DPP3: variants seen among roughly 807,000 people sequenced by gnomAD.
DPP3 encodes the protein dipeptidyl peptidase 3, also known as DPP III.
Under a neutral mutation model 89.8 loss-of-function variants are expected in DPP3, and 64 were observed. The ratio of observed to expected loss-of-function variants is 0.71; its 90% CI spans 0.58 to 0.88. The LOEUF (loss-of-function observed/expected upper bound fraction) is 0.88. Among genes scored for constraint, DPP3 ranks in the 40% least tolerant of loss-of-function variants. DPP3 has a pLI of 0.00. For missense variants in DPP3, 835 were observed against 972.5 expected, an observed-to-expected ratio of 0.86 and a Z score of 1.88; for synonymous variants, 377 against 404.3, an observed-to-expected ratio of 0.93 and a Z score of 0.81.
intron 16 of DPP3, among the ~76,000 whole-genome samples, chr11:66,499,126 G>T (rs925470073): frequency 3.8e-4 from 58 of 152,334 alleles, no homozygotes; most frequent in Admixed American, 7.8e-4. Context: ...ACTCTGGGAG[G>T]CCGAGGCGGG....
At chr11:66,494,920 C>G (rs1248128054) in intron 12 of DPP3, among the ~76,000 whole-genome samples, 1 of 152,140 alleles carries the variant, frequency 6.6e-6, no homozygotes, top group Non-Finnish European at 1.5e-5. Flanking sequence ...TGGGTCCTCA[C>G]AGGACTTGGG....
intron 16 of DPP3, among the ~76,000 whole-genome samples, chr11:66,503,171 T>C (rs1013547863): frequency 2.6e-5 from 4 of 151,394 alleles, no homozygotes; most frequent in Admixed American, 2.6e-4. Flanking sequence ...TTCACCATGT[T>C]GGCCAAGCTG....
At position 66,491,612 on chromosome 11, in the gene DPP3, C is replaced by T. The variant is rs200819157; in HGVS notation, c.917C>T (p.Pro306Leu). ...CGCTTCTGGATCCAGGACAAAGGCCCCATCGTGGAGAGGTGAGGCGCCAGC... is the reference window on the plus strand; with the variant it reads ...CGCTTCTGGATCCAGGACAAAGGCCTCATCGTGGAGAGGTGAGGCGCCAGC... ...GSRFWIQDKG[P>L]IVESYIGFIE... Residue 306 changes from proline to leucine, a missense_variant, in exon 8 of 18, where the codon CCC becomes CTC. By Grantham distance (98) the Pro-to-Leu change is moderately conservative. Coordinates refer to ENST00000531863, the MANE Select transcript of DPP3 (RefSeq NM_130443.4). The T allele has an allele frequency of 6.2e-7, 1 of 1,613,556 alleles. No individual in the cohort carries two copies. Among genetic ancestry groups the T allele is most frequent in the Non-Finnish European group, 8.5e-7 (1 of 1,179,556 alleles).
intron 15 of DPP3, among the ~76,000 whole-genome samples, chr11:66,496,516 G>A (rs1326833924): frequency 2.0e-5 from 3 of 151,572 alleles, no homozygotes; most frequent in African/African-American, 4.8e-5. Flanking sequence ...CTGGGTTCAC[G>A]CCATTCTCTC....
In DPP3 at chr11:66,495,302, G is replaced by A. The variant is rs774860914; in HGVS notation, c.1452+34G>A. 5.6e-6 allele frequency: 9 copies of A among 1,613,744 alleles called. No individual in the cohort carries two copies. In the African/African-American group the frequency reaches 8.0e-5, roughly 14 times the overall value. On this transcript the variant is annotated intron_variant, in intron 13 of 17. Coordinates refer to ENST00000531863, the MANE Select transcript of DPP3 (RefSeq NM_130443.4). ...GGCCTCAGCAGAGCCCCAGGGTACTGGGAGGGTGGGCACAGGTGGGGCAGT... is the reference window on the plus strand; with the variant it reads ...GGCCTCAGCAGAGCCCCAGGGTACTAGGAGGGTGGGCACAGGTGGGGCAGT...
chr11:66,509,391 C>A lies in DPP3; in HGVS notation c.*140C>A, dbSNP rs1384756563. The stretch of plus-strand genomic sequence containing the variant: ...ACTACCTCAGCTGAGGGTGGTGACA[C>A]AACCCCTTCCATTTGTCAGCACTTT... On this transcript the variant is annotated 3_prime_UTR_variant, in exon 18 of 18. Transcript: ENST00000531863. 5 of 1,537,938 alleles carry A rather than the reference C, an allele frequency of 3.3e-6. No individual in the cohort carries two copies. Among genetic ancestry groups the A allele is most frequent in the Non-Finnish European group, 3.5e-6 (4 of 1,146,818 alleles).
chr11:66,486,711 G>C, intron 4 of DPP3, 34 bp downstream of exon 4: 1 of 1,466,332 alleles, frequency 6.8e-7, no homozygotes, highest in South Asian at 1.5e-5. Flanking sequence ...GGGACAGGGA[G>C]TGGAGGGAAT....
At chr11:66,494,317 C>T (rs1855477347) in intron 12 of DPP3, among the ~76,000 whole-genome samples, 1 of 152,066 alleles carries the variant, frequency 6.6e-6, no homozygotes. Context: ...GGGCGGGGTT[C>T]TGGGTGGGTC....
At chr11:66,500,738 G>A (rs559578515) in intron 16 of DPP3, among the ~76,000 whole-genome samples, 1 of 152,340 alleles carries the variant, frequency 6.6e-6, no homozygotes, top group South Asian at 2.1e-4. Flanking sequence ...GAGACATACA[G>A]GGATGTTCAC....
At chr11:66,507,616 G>A (rs1855836226) in intron 17 of DPP3, among the ~76,000 whole-genome samples, 1 of 149,606 alleles carries the variant, frequency 6.7e-6, no homozygotes, top group African/African-American at 2.4e-5. Context: ...TGGGGAGGAA[G>A]GGGTGGTTCC....
intron 2 of DPP3, 79 bp downstream of exon 2, chr11:66,482,549 TCAA>T: frequency 6.4e-7 from 1 of 1,557,306 alleles, no homozygotes; most frequent in Non-Finnish European, 8.7e-7. Flanking sequence ...TCTGTCTCTT[TCAA>T]GGGGTAGGTG....
chr11:66,497,575 T>C (rs551557123), intron 16 of DPP3, 98 bp downstream of exon 16: 12 of 1,455,244 alleles, frequency 8.2e-6, no homozygotes, highest in Admixed American at 7.3e-5. Context: ...CAGTTTCTTA[T>C]GCTGCAGTGA....
At position 66,493,129 on chromosome 11, in the gene DPP3, G is replaced by T. The variant is rs769103493; in HGVS notation, c.1246G>T (p.Ala416Ser). The change falls in exon 11 of 18, where the codon GCC becomes TCC. Residue 416 changes from alanine to serine, a missense_variant. Coordinates refer to ENST00000531863, the MANE Select transcript of DPP3 (RefSeq NM_130443.4). ...NVSLGNVLAV[A>S]YATQREKLTF... Reference sequence around the variant, plus strand: ...GTCGCTGGGGAATGTGCTGGCTGTGGCCTACGCCACGCAGCGGGAGAAGCT... The same window carrying T: ...GTCGCTGGGGAATGTGCTGGCTGTGTCCTACGCCACGCAGCGGGAGAAGCT... The T allele has an allele frequency of 1.2e-6, 2 of 1,614,146 alleles. No individual in the cohort carries two copies. Among genetic ancestry groups the T allele is most frequent in the Non-Finnish European group, 8.5e-7 (1 of 1,180,044 alleles).
intron 16 of DPP3, among the ~76,000 whole-genome samples, chr11:66,501,936 G>A (rs147387990): frequency 0.017 from 2,610 of 151,248 alleles, 62 homozygotes; most frequent in Non-Finnish European, 0.022. Flanking sequence ...GGTGGCTCAC[G>A]CCTGTAATCC....
At chr11:66,492,985 C>T (rs937602431) in intron 10 of DPP3, 75 bp downstream of exon 10, 3 of 1,603,068 alleles carry the variant, frequency 1.9e-6, no homozygotes, top group Non-Finnish European at 2.6e-6. Context: ...CACACACACA[C>T]CCTCCACAAA....
At position 66,495,192 on chromosome 11, in the gene DPP3, C is replaced by T. The variant is rs368278747; in HGVS notation, c.1390-14C>T. 33 of 1,612,094 alleles carry T rather than the reference C, an allele frequency of 2.0e-5. No individual in the cohort carries two copies. Among genetic ancestry groups the T allele is most frequent in the Middle Eastern group, 4.5e-4 (2 of 4,476 alleles). On this transcript the variant is annotated splice_polypyrimidine_tract_variant and intron_variant, in intron 12 of 17. Transcript: ENST00000531863. ...TTGGGGGCGCCTTTCCCTCACCCACCGTGTGTTCTGCAGGACGAAAAAGGA... is the reference window on the plus strand; with the variant it reads ...TTGGGGGCGCCTTTCCCTCACCCACTGTGTGTTCTGCAGGACGAAAAAGGA...
chr11:66,486,715 A>G, intron 4 of DPP3, 38 bp downstream of exon 4: 1 of 1,457,772 alleles, frequency 6.9e-7, no homozygotes, highest in Non-Finnish European at 9.1e-7. Flanking sequence ...CAGGGAGTGG[A>G]GGGAATCCTT....
chr11:66,506,074 G>T (rs981857120), intron 17 of DPP3, among the ~76,000 whole-genome samples: 4 of 152,024 alleles, frequency 2.6e-5, no homozygotes, highest in Admixed American at 6.6e-5. Flanking sequence ...CCAGTCTCCC[G>T]AGTAGCTGGT....
chr11:66,494,290 T>C (rs975619862), intron 12 of DPP3, among the ~76,000 whole-genome samples: 2 of 151,632 alleles, frequency 1.3e-5, no homozygotes, highest in African/African-American at 4.8e-5. Flanking sequence ...GGGTGAGGTG[T>C]GGCCCCTCCC....
Sources: allele counts gnomAD v4.1 joint callset (sites outside exome capture counted in the v4.1 genomes callset), GRCh38; gene constraint gnomAD v4.1.1; transcripts MANE v1.5; gene names NCBI Gene and HGNC (gene_info 2026-07-23, HGNC 2026-07-21).